LARGE1: variants seen among roughly 807,000 people sequenced by gnomAD.
LARGE1 encodes the protein LARGE xylosyl- and glucuronyltransferase 1.
LARGE1 carries 43 observed loss-of-function variants against 87.6 expected under a neutral mutation model. That is an observed-to-expected ratio of 0.49 (90% CI 0.38 to 0.63). LARGE1 has a LOEUF of 0.63. Among genes scored for constraint, LARGE1 ranks in the 30% least tolerant of loss-of-function variants. LARGE1 has a pLI of 0.00. For synonymous variants in LARGE1, 434 were observed against 394.6 expected, an observed-to-expected ratio of 1.10 and a Z score of -1.18; for missense variants, 802 against 1,000.2, an observed-to-expected ratio of 0.80 and a Z score of 2.67.
At chr22:33,715,122 T>A (rs1603228347) in intron 2 of LARGE1, among the ~76,000 whole-genome samples, 7 of 152,176 alleles carry the variant, frequency 4.6e-5, no homozygotes, top group Admixed American at 4.6e-4. Flanking sequence ...TTAGGGTCGT[T>A]CCTTCAAAAT....
At chr22:33,236,687 T>A (rs1309787579) in intron 11 of LARGE1, among the ~76,000 whole-genome samples, 1 of 152,192 alleles carries the variant, frequency 6.6e-6, no homozygotes, top group Non-Finnish European at 1.5e-5. Flanking sequence ...CAAGGAATCA[T>A]AATTAATCAT....
In LARGE1 at chr22:33,550,250, G is replaced by A. The variant is rs546692798; in HGVS notation, c.787+14598C>T. On this transcript the variant is annotated intron_variant, in intron 6 of 14. Transcript: ENST00000397394. ...TTAGATTTCATTTCTTGGGCCAGTC[G>A]CTATTAACCACTTAAAACTACCAAG... 4.0e-5 allele frequency among the ~76,000 whole-genome samples: 6 copies of A among 151,274 alleles called. No homozygotes were observed. In the East Asian group the frequency reaches 9.7e-4, roughly 24 times the overall value.
rs1170700701 is a variant in LARGE1 at position 33,550,226 on chromosome 22, T to TA, written c.787+14621dup. 6.6e-5 allele frequency among the ~76,000 whole-genome samples: 10 copies of TA among 152,074 alleles called. No individual in the cohort carries two copies. The East Asian group carries it at 1.9e-3, about 29-fold the overall frequency. Reference sequence around the variant, plus strand: ...ATATATATAGAAGTTGTGGAAGGTTTAGATTTCATTTCTTGGGCCAGTCGC... The same window carrying TA: ...ATATATATAGAAGTTGTGGAAGGTTTAAGATTTCATTTCTTGGGCCAGTCGC... On this transcript the variant is annotated intron_variant, in intron 6 of 14. Coordinates refer to ENST00000397394, the MANE Select transcript of LARGE1 (RefSeq NM_133642.5).
intron 12 of LARGE1, among the ~76,000 whole-genome samples, chr22:33,297,291 C>T (rs1012063056): frequency 6.6e-6 from 1 of 152,172 alleles, no homozygotes; most frequent in South Asian, 2.1e-4. Flanking sequence ...AGAATACAGT[C>T]TCTACCCAGT....
intron 2 of LARGE1, among the ~76,000 whole-genome samples, chr22:33,713,577 T>C (rs997493515): frequency 6.6e-6 from 1 of 152,144 alleles, no homozygotes; most frequent in Non-Finnish European, 1.5e-5. Context: ...TAGGCTCTTT[T>C]TTTTTTCAGG....
intron 1 of LARGE1, among the ~76,000 whole-genome samples, chr22:33,817,331 T>C (rs570710725): frequency 2.6e-5 from 4 of 152,306 alleles, no homozygotes; most frequent in African/African-American, 9.6e-5. Context: ...TTAGATACTT[T>C]CTAAGCCCTT....
At chr22:33,080,583 G>A in the LARGE1 span, among the ~76,000 whole-genome samples, 43 of 152,208 alleles carry the variant, frequency 2.8e-4, no homozygotes, top group African/African-American at 1.0e-3. Context: ...CGTGGGCATG[G>A]AACACATGGC....
chr22:33,731,909 TC>T (rs2083483070), intron 2 of LARGE1, among the ~76,000 whole-genome samples: 6 of 152,226 alleles, frequency 3.9e-5, no homozygotes, highest in Admixed American at 3.9e-4. Flanking sequence ...TTAGATATAG[TC>T]ACTGAATCAG....
chr22:33,851,693 G>A (rs1256461079), intron 1 of LARGE1, among the ~76,000 whole-genome samples: 1 of 152,240 alleles, frequency 6.6e-6, no homozygotes, highest in Non-Finnish European at 1.5e-5. Context: ...AGGATGTCAG[G>A]AGGAGCTCAT....
chr22:33,296,205 A>C (rs2146044996), intron 12 of LARGE1, among the ~76,000 whole-genome samples: 1 of 152,328 alleles, frequency 6.6e-6, no homozygotes, highest in Middle Eastern at 3.4e-3. Context: ...GCCTGGCACT[A>C]AGGAGGGCAG....
At chr22:33,556,520 G>A (rs1377458537) in intron 6 of LARGE1, among the ~76,000 whole-genome samples, 7 of 78,046 alleles carry the variant, frequency 9.0e-5, no homozygotes, top group Admixed American at 4.3e-4. Context: ...GGAAGGAAGG[G>A]AGGGAGGGAG....
chr22:33,484,372 G>A (rs1479645603), intron 6 of LARGE1, among the ~76,000 whole-genome samples: 1 of 152,114 alleles, frequency 6.6e-6, no homozygotes, highest in African/African-American at 2.4e-5. Flanking sequence ...GCAGCAACAG[G>A]ACTTATCCAA....
intron 1 of LARGE1, among the ~76,000 whole-genome samples, chr22:33,815,583 G>A (rs895818522): frequency 1.3e-5 from 2 of 152,152 alleles, no homozygotes; most frequent in South Asian, 2.1e-4. Context: ...CTTCAGCCAA[G>A]AACCATTCTT....
chr22:33,413,879 T>C (rs1340586875), intron 7 of LARGE1, among the ~76,000 whole-genome samples: 3 of 152,214 alleles, frequency 2.0e-5, no homozygotes, highest in Non-Finnish European at 2.9e-5. Flanking sequence ...ATTTCCTTCT[T>C]TTTAAGGCTG....
At position 33,540,134 on chromosome 22, in the gene LARGE1, T is replaced by C. The variant is rs2077152057; in HGVS notation, c.787+24714A>G. On this transcript the variant is annotated intron_variant, in intron 6 of 14. Coordinates refer to ENST00000397394, the MANE Select transcript of LARGE1 (RefSeq NM_133642.5). ...TCTACTCCCCTTCTCTTTCTATGAA[T>C]ATTTGCAGAGAAGTTAAAAAGTAAC... Among the ~76,000 whole-genome samples the C allele has an allele frequency of 4.6e-5, 7 of 152,272 alleles. No individual in the cohort carries two copies. In the South Asian group the frequency reaches 1.5e-3, roughly 32 times the overall value.
chr22:33,330,013 A>C (rs1240353964), intron 10 of LARGE1, among the ~76,000 whole-genome samples: 4 of 145,860 alleles, frequency 2.7e-5, no homozygotes, highest in African/African-American at 8.0e-5. Flanking sequence ...AGAACAACAA[A>C]AAAAAACCCA....
Position 33,530,031 on chromosome 22 carries a change from C to T in LARGE1, c.787+34817G>A, listed in dbSNP as rs578002626. ...TGGTAATCCCCTTCCCTACTAGCAG[C>T]GATAGGGTCTAGGGTTCAGCTTATA... On this transcript the variant is annotated intron_variant, in intron 6 of 14. Coordinates refer to ENST00000397394, the MANE Select transcript of LARGE1 (RefSeq NM_133642.5). Among the ~76,000 whole-genome samples the T allele has an allele frequency of 6.6e-5, 10 of 152,244 alleles. No individual in the cohort carries two copies. The East Asian group carries it at 1.2e-3, about 18-fold the overall frequency.
intron 9 of LARGE1, among the ~76,000 whole-genome samples, chr22:33,349,460 G>C (rs546216280): frequency 6.6e-6 from 1 of 152,260 alleles, no homozygotes; most frequent in African/African-American, 2.4e-5. Context: ...CTCTGAGGGA[G>C]GCTCAGCACT....
chr22:33,888,681 C>A (rs1232514050), intron 1 of LARGE1, among the ~76,000 whole-genome samples: 1 of 152,082 alleles, frequency 6.6e-6, no homozygotes, highest in Non-Finnish European at 1.5e-5. Context: ...CATGGCGAAA[C>A]CCCATCTCTA....
Sources: gnomAD v4.1 joint callset for allele counts (sites outside exome capture counted in the v4.1 genomes callset) on GRCh38, gnomAD v4.1.1 for gene constraint, MANE v1.5 for transcripts, NCBI Gene and HGNC (gene_info 2026-07-23, HGNC 2026-07-21) for gene names.